NXPH2: variants seen among roughly 807,000 people sequenced by gnomAD.
The protein encoded by NXPH2 is neurexophilin-2.
A neutral mutation model predicts 19.8 loss-of-function variants in NXPH2; 5 were observed. The ratio of observed to expected loss-of-function variants is 0.25; its 90% confidence interval spans 0.13 to 0.53. NXPH2 has a LOEUF of 0.53. NXPH2 is among the 20% of genes least tolerant of loss of function. The pLI is 0.96. For missense variants in NXPH2, 289 were observed against 322.8 expected (o/e 0.90, Z 0.80); for synonymous variants, 154 against 127.4 (o/e 1.21, Z -1.41).
At chr2:138,679,696 G>C (rs1462588205) in intron 1 of NXPH2, among the ~76,000 whole-genome samples, 2 of 152,016 alleles carry the variant, frequency 1.3e-5, no homozygotes, top group South Asian at 4.2e-4. Context: ...CACTGCGCCG[G>C]GCCGAGGCCT....
chr2:138,756,699 C>A (rs1681915319), intron 1 of NXPH2, among the ~76,000 whole-genome samples: 1 of 152,128 alleles, frequency 6.6e-6, no homozygotes, highest in East Asian at 1.9e-4. Flanking sequence ...ATAATAATAG[C>A]AACTCTATTG....
intron 1 of NXPH2, among the ~76,000 whole-genome samples, chr2:138,674,069 C>T (rs968957125): frequency 6.6e-6 from 1 of 152,100 alleles, no homozygotes; most frequent in Non-Finnish European, 1.5e-5. Context: ...CCTCAAACTC[C>T]TGGGCTCAAG....
intron 1 of NXPH2, among the ~76,000 whole-genome samples, chr2:138,772,569 C>G (rs980581821): frequency 6.6e-6 from 1 of 152,140 alleles, no homozygotes. Context: ...AGTGCTGGGA[C>G]TACAGGGGTG....
chr2:138,682,423 C>T (rs1680592197), intron 1 of NXPH2, among the ~76,000 whole-genome samples: 2 of 151,946 alleles, frequency 1.3e-5, no homozygotes, highest in Non-Finnish European at 2.9e-5. Flanking sequence ...AGAACTGTCA[C>T]AGTAGATTAA....
Position 138,780,204 on chromosome 2 carries a change from C to G in NXPH2, c.38G>C (p.Gly13Ala), listed in dbSNP as rs1033281861. ...CCGGGCACTCACCAGCTGCAGCAAG[C>G]CAGGGACCACCACGAGGGGCAGCGG... ...LRPLPLVVVPGLLQLLFCDSK... is the reference protein window; with the variant it reads ...LRPLPLVVVPALLQLLFCDSK... The change falls in exon 1 of 2, where the codon GGC becomes GCC. Residue 13 changes from glycine (G) to alanine (A), a missense_variant. Transcript: ENST00000272641. 4 of 1,483,620 alleles carry G rather than the reference C, an allele frequency of 2.7e-6. No homozygotes were observed. The highest frequency in any genetic ancestry group is 1.3e-5 in the South Asian group (1 of 78,274). 91.9% of individuals were successfully genotyped at this position (1,483,620 alleles called of 1,614,324 possible). A position where few individuals can be genotyped will look rare whatever the true frequency, so the allele number is the denominator to read the frequency against.
chr2:138,747,606 G>T (rs1681759850), intron 1 of NXPH2, among the ~76,000 whole-genome samples: 1 of 152,218 alleles, frequency 6.6e-6, no homozygotes, highest in Non-Finnish European at 1.5e-5. Context: ...GATCTAGGAA[G>T]AGTGGGTGTC....
chr2:138,701,378 G>C (rs573008310), intron 1 of NXPH2, among the ~76,000 whole-genome samples: 3 of 152,126 alleles, frequency 2.0e-5, no homozygotes, highest in African/African-American at 7.2e-5. Flanking sequence ...AACAGAGCGG[G>C]TTTTAGAAAA....
chr2:138,685,997 A>G (rs1220879174), intron 1 of NXPH2, among the ~76,000 whole-genome samples: 1 of 152,076 alleles, frequency 6.6e-6, no homozygotes, highest in Non-Finnish European at 1.5e-5. Context: ...ATGATGTCTG[A>G]TTTACAATAA....
chr2:138,673,686 C>CT (rs1680445163), intron 1 of NXPH2, among the ~76,000 whole-genome samples: 2 of 150,600 alleles, frequency 1.3e-5, no homozygotes, highest in Admixed American at 1.3e-4. Flanking sequence ...AGTTTGATGC[C>CT]CAGGTGGTCT....
intron 1 of NXPH2, among the ~76,000 whole-genome samples, chr2:138,741,831 T>C (rs1162011952): frequency 6.6e-6 from 1 of 152,168 alleles, no homozygotes; most frequent in Non-Finnish European, 1.5e-5. Context: ...AGATGCCAAA[T>C]TGACAGAAGT....
intron 1 of NXPH2, among the ~76,000 whole-genome samples, chr2:138,732,665 C>T (rs1681470445): frequency 6.6e-6 from 1 of 152,016 alleles, no homozygotes; most frequent in Admixed American, 6.5e-5. Context: ...TCTTCTTCTC[C>T]TTCTTTGTCT....
intron 1 of NXPH2, among the ~76,000 whole-genome samples, chr2:138,729,282 TGA>T (rs1681408725): frequency 6.6e-6 from 1 of 152,186 alleles, no homozygotes; most frequent in South Asian, 2.1e-4. Context: ...CTCATAATAG[TGA>T]GAAAATTCTC....
chr2:138,702,990 T>G (rs1231524241), intron 1 of NXPH2, among the ~76,000 whole-genome samples: 2 of 152,202 alleles, frequency 1.3e-5, no homozygotes, highest in African/African-American at 4.8e-5. Context: ...CAAATTAATT[T>G]GGAAATCATT....
chr2:138,739,950 A>G (rs2105005461), intron 1 of NXPH2, among the ~76,000 whole-genome samples: 1 of 152,196 alleles, frequency 6.6e-6, no homozygotes, highest in East Asian at 1.9e-4. Context: ...AAATTTGGAT[A>G]TATAGACTTT....
At position 138,671,129 on chromosome 2, in the gene NXPH2, C is replaced by T. The variant is rs267598903; in HGVS notation, c.588G>A (p.Arg196=). Residue 196 remains arginine, a synonymous_variant, in exon 2 of 2, where the codon CGG becomes CGA. Transcript: ENST00000272641. ...NCRIEYEKTD[R]AKKTALCNFD... ...AGTTGCACAGGGCGGTCTTTTTCGC[C>T]CGATCTGTTTTTTCATACTCAATGC... The T allele has an allele frequency of 1.2e-6, 2 of 1,613,844 alleles. No homozygotes were observed. The highest frequency in any genetic ancestry group is 2.2e-5 in the East Asian group (1 of 44,864).
At chr2:138,761,363 C>T (rs904476370) in intron 1 of NXPH2, among the ~76,000 whole-genome samples, 45 of 152,160 alleles carry the variant, frequency 3.0e-4, no homozygotes, top group African/African-American at 1.0e-3. Flanking sequence ...AATCTGATGA[C>T]CATTTCCCCG....
intron 1 of NXPH2, among the ~76,000 whole-genome samples, chr2:138,695,418 C>T (rs1276685142): frequency 6.6e-6 from 1 of 152,112 alleles, no homozygotes; most frequent in Non-Finnish European, 1.5e-5. Context: ...CAAAGGTCTA[C>T]ACTAAACGAA....
In NXPH2 at chr2:138,744,870, C is replaced by T. The variant is rs78766950; in HGVS notation, c.51+35321G>A. Among the ~76,000 whole-genome samples, 3 of 152,270 alleles carry T rather than the reference C, an allele frequency of 2.0e-5. No individual in the cohort carries two copies. In the East Asian group the frequency reaches 5.8e-4, roughly 29 times the overall value. On this transcript the variant is annotated intron_variant, in intron 1 of 1. Coordinates refer to ENST00000272641, the MANE Select transcript of NXPH2 (RefSeq NM_007226.3). ...GACAGCTGCTTCCAGAGGACTTTTT[C>T]CCATCTCCATGCCCACATGCTGTGG...
intron 1 of NXPH2, among the ~76,000 whole-genome samples, chr2:138,676,653 G>A (rs1310523313): frequency 4.6e-5 from 7 of 152,140 alleles, no homozygotes; most frequent in African/African-American, 1.7e-4. Context: ...TAAAAGAATG[G>A]ACGGAAATTA....
Sources: gnomAD v4.1 joint callset for allele counts (sites outside exome capture counted in the v4.1 genomes callset) on GRCh38, gnomAD v4.1.1 for gene constraint, MANE v1.5 for transcripts, NCBI Gene and HGNC (gene_info 2026-07-23, HGNC 2026-07-21) for gene names.